EIF3L: variants seen among roughly 807,000 people sequenced by gnomAD.
EIF3L encodes eIEF associated protein HSPC021.
A neutral mutation model predicts 74.6 loss-of-function variants in EIF3L; 32 were observed. The observed-to-expected ratio is 0.43, with a 90% CI of 0.32 to 0.58. EIF3L has a LOEUF of 0.58. EIF3L is among the 20% of genes least tolerant of loss of function. The probability of loss-of-function intolerance (pLI) is 0.06; values close to 1 mark genes in which losing one functional copy is unlikely to be tolerated. For synonymous variants in EIF3L, 256 were observed against 254.4 expected, an observed-to-expected ratio of 1.01 and a Z score of -0.06; for missense variants, 474 against 707.8, an observed-to-expected ratio of 0.67 and a Z score of 3.75.
At chr22:37,850,962 CCT>C (rs1348057577) in intron 2 of EIF3L, among the ~76,000 whole-genome samples, 1 of 152,126 alleles carries the variant, frequency 6.6e-6, no homozygotes, top group Non-Finnish European at 1.5e-5. Context: ...AACAGTCTTG[CCT>C]CTCTCCCCTC....
chr22:37,856,942 C>G (rs1394331506), intron 4 of EIF3L, among the ~76,000 whole-genome samples: 1 of 148,408 alleles, frequency 6.7e-6, no homozygotes, highest in Non-Finnish European at 1.5e-5. Flanking sequence ...TATTCTGGGT[C>G]TCTTGGATTT....
intron 7 of EIF3L, among the ~76,000 whole-genome samples, chr22:37,865,154 C>A (rs916187986): frequency 1.3e-5 from 2 of 151,966 alleles, no homozygotes; most frequent in African/African-American, 4.8e-5. Context: ...TCCAGGAGTT[C>A]GAGAAATAGA....
intron 5 of EIF3L, 60 bp downstream of exon 5, chr22:37,858,800 T>G: frequency 6.9e-7 from 1 of 1,449,122 alleles, no homozygotes; most frequent in African/African-American, 1.4e-5. Context: ...CTGTGCTGTT[T>G]TTGTCCCTAG....
chr22:37,864,742 TTGACCAGGCTGGTCTCGAA>T (rs1926053592), intron 7 of EIF3L, among the ~76,000 whole-genome samples: 1 of 152,150 alleles, frequency 6.6e-6, no homozygotes, highest in Non-Finnish European at 1.5e-5. Flanking sequence ...TTTCTCCATG[TTGACCAGGCTGGTCTCGAA>T]CTCCCAACTT....
chr22:37,881,833 G>A (rs963756315), intron 11 of EIF3L: 1 of 152,134 alleles, frequency 6.6e-6, no homozygotes, highest in African/African-American at 2.4e-5. Context: ...CTTTGATGCT[G>A]TAAGTTTTTT....
At chr22:37,884,936 T>TAGCATCTTA (rs1489391041) in intron 11 of EIF3L, 2 of 109,520 alleles carry the variant, frequency 1.8e-5, no homozygotes, top group East Asian at 3.2e-4. Context: ...TTTTTTAAGA[T>TAGCATCTTA]AGCATCTTAA....
chr22:37,862,115 C>T (rs543036472), intron 5 of EIF3L, among the ~76,000 whole-genome samples: 179 of 152,318 alleles, frequency 1.2e-3, no homozygotes, highest in African/African-American at 3.8e-3. Context: ...AGATTACAGG[C>T]GTGAGCCACT....
intron 5 of EIF3L, among the ~76,000 whole-genome samples, chr22:37,862,718 C>G (rs1486982044): frequency 6.6e-6 from 1 of 152,180 alleles, no homozygotes; most frequent in Non-Finnish European, 1.5e-5. Flanking sequence ...CTCTGCTTTG[C>G]CAGATCATCA....
chr22:37,851,641 A>G (rs1444905859), intron 3 of EIF3L, 151 bp downstream of exon 3: 1 of 615,144 alleles, frequency 1.6e-6, no homozygotes, highest in African/African-American at 1.9e-5. Context: ...GGGACATTTT[A>G]TTTTGTTAGA....
chr22:37,853,721 G>A (rs1925350476), intron 3 of EIF3L, among the ~76,000 whole-genome samples: 1 of 152,144 alleles, frequency 6.6e-6, no homozygotes, highest in Non-Finnish European at 1.5e-5. Flanking sequence ...TATGTAATCA[G>A]TATTTAAAAA....
At chr22:37,857,188 C>T (rs548352597) in intron 4 of EIF3L, among the ~76,000 whole-genome samples, 123 of 151,510 alleles carry the variant, frequency 8.1e-4, no homozygotes, top group Non-Finnish European at 1.4e-3. Flanking sequence ...GGTGAAACCC[C>T]GTCTCTACTA....
intron 3 of EIF3L, among the ~76,000 whole-genome samples, chr22:37,853,390 G>C (rs559610038): frequency 6.6e-6 from 1 of 152,362 alleles, no homozygotes; most frequent in South Asian, 2.1e-4. Flanking sequence ...AGAGGGCCAG[G>C]TGGGTGACCT....
rs1437409667 is a variant in EIF3L at position 37,862,181 on chromosome 22, A to G, written c.436-788A>G. Among the ~76,000 whole-genome samples, 9 of 152,122 alleles carry G rather than the reference A, an allele frequency of 5.9e-5. No individual in the cohort carries two copies. The East Asian group carries it at 1.4e-3, about 23-fold the overall frequency. On this transcript the variant is annotated intron_variant, in intron 5 of 12. Coordinates refer to ENST00000652021, the MANE Select transcript of EIF3L (RefSeq NM_016091.4). The stretch of plus-strand genomic sequence containing the variant: ...GACTAGTCAACAATCTTTTGCCCAC[A>G]TTTTACAGAGATTAAATACCTTGTG...
chr22:37,875,739 A>G (rs1046621304), intron 9 of EIF3L, 102 bp from the exon 10 acceptor site: 15 of 1,088,396 alleles, frequency 1.4e-5, no homozygotes, highest in Non-Finnish European at 1.8e-5. Context: ...CTTCCTCTGG[A>G]TAGTTGAGGG....
At chr22:37,868,435 C>T (rs1217299593) in intron 7 of EIF3L, among the ~76,000 whole-genome samples, 3 of 150,010 alleles carry the variant, frequency 2.0e-5, no homozygotes, top group African/African-American at 7.4e-5. Context: ...CCTGAGAATT[C>T]TTTATATATT....
chr22:37,855,729 C>G, intron 4 of EIF3L, 85 bp downstream of exon 4: 1 of 1,183,548 alleles, frequency 8.4e-7, no homozygotes, highest in Non-Finnish European at 1.2e-6. Context: ...GGGTCTGTGT[C>G]TGTTTTGCTC....
intron 3 of EIF3L, 141 bp from the exon 4 acceptor site, chr22:37,855,424 T>G: frequency 1.5e-6 from 1 of 658,842 alleles, no homozygotes; most frequent in South Asian, 1.9e-5. Flanking sequence ...TGAGGACAGT[T>G]GTGGGCTTGA....
At chr22:37,861,877 C>A (rs1051862845) in intron 5 of EIF3L, among the ~76,000 whole-genome samples, 3 of 152,140 alleles carry the variant, frequency 2.0e-5, no homozygotes, top group Non-Finnish European at 4.4e-5. Flanking sequence ...TCAGCAGAAG[C>A]TTATTGATGC....
intron 11 of EIF3L, chr22:37,880,034 CT>C (rs1417044699): frequency 3.3e-5 from 5 of 152,226 alleles, no homozygotes; most frequent in East Asian, 1.9e-4. Flanking sequence ...AACTCCTGAC[CT>C]TGTGATCCGC....
Sources: gnomAD v4.1 joint callset for allele counts (sites outside exome capture counted in the v4.1 genomes callset) on GRCh38, gnomAD v4.1.1 for gene constraint, MANE v1.5 for transcripts, NCBI Gene and HGNC (gene_info 2026-07-23, HGNC 2026-07-21) for gene names.